The following FAT3 variants were observed in gnomAD, a reference collection of about 807,000 sequenced individuals.
FAT3 encodes the protein protocadherin Fat 3.
FAT3 carries 95 observed loss-of-function variants against 310.2 expected under a neutral mutation model. The ratio of observed to expected loss-of-function variants is 0.31; its 90% CI spans 0.26 to 0.36. The LOEUF (loss-of-function observed/expected upper bound fraction) is 0.36, where lower values mean the gene tolerates loss of function less well. Among genes scored for constraint, FAT3 ranks in the 10% least tolerant of loss-of-function variants. FAT3 has a pLI of 1.00. For synonymous variants in FAT3, 2,314 were observed against 2,192.9 expected, an observed-to-expected ratio of 1.06 and a Z score of -1.54; for missense variants, 5,408 against 5,715.6, an observed-to-expected ratio of 0.95 and a Z score of 1.74.
At chr11:92,781,075 C>CTTTTTTTT (rs10649331) in intron 7 of FAT3, among the ~76,000 whole-genome samples, 2 of 121,982 alleles carry the variant, frequency 1.6e-5, no homozygotes, top group Non-Finnish European at 1.7e-5. Context: ...TTTCTTTATT[C>CTTTTTTTT]TTTTTTTTTT....
intron 2 of FAT3, among the ~76,000 whole-genome samples, chr11:92,513,827 A>T (rs565769158): frequency 6.6e-6 from 1 of 152,106 alleles, no homozygotes; most frequent in Non-Finnish European, 1.5e-5. Context: ...TCCCAGCAGG[A>T]TGATTTTTAC....
intron 17 of FAT3, 108 bp from the exon 18 acceptor site, chr11:92,840,454 C>T (rs2136282311): frequency 9.2e-7 from 1 of 1,083,418 alleles, no homozygotes; most frequent in Non-Finnish European, 1.3e-6. Flanking sequence ...TAGCTCAGCA[C>T]TCTCAGCCTG....
intron 2 of FAT3, among the ~76,000 whole-genome samples, chr11:92,395,099 G>C (rs891157229): frequency 1.3e-5 from 2 of 152,116 alleles, no homozygotes; most frequent in Admixed American, 1.3e-4. Context: ...CCATTTTCCT[G>C]CTTAATAACA....
At chr11:92,266,759 T>A (rs773862032) in intron 1 of FAT3, among the ~76,000 whole-genome samples, 1 of 152,094 alleles carries the variant, frequency 6.6e-6, no homozygotes, top group Non-Finnish European at 1.5e-5. Context: ...TTCTGTTTGT[T>A]GGGATGGTGA....
intron 3 of FAT3, among the ~76,000 whole-genome samples, chr11:92,692,865 A>C (rs1943834613): frequency 6.6e-6 from 1 of 152,220 alleles, no homozygotes; most frequent in Non-Finnish European, 1.5e-5. Flanking sequence ...TAAGACCTGC[A>C]TTTCTTCAAG....
chr11:92,726,905 T>C (rs1945018169), intron 4 of FAT3, among the ~76,000 whole-genome samples: 1 of 151,962 alleles, frequency 6.6e-6, no homozygotes, highest in Non-Finnish European at 1.5e-5. Context: ...CAGGACACTA[T>C]CACATTTACC....
chr11:92,823,980 G>T (rs1231245771), intron 13 of FAT3, among the ~76,000 whole-genome samples: 2 of 152,146 alleles, frequency 1.3e-5, no homozygotes. Context: ...CTGTTTCATT[G>T]TAGTGGGATT....
At chr11:92,574,829 T>C (rs1938384448) in intron 3 of FAT3, among the ~76,000 whole-genome samples, 1 of 152,208 alleles carries the variant, frequency 6.6e-6, no homozygotes. Flanking sequence ...TATTTTTGGC[T>C]GCATACCTTA....
At chr11:92,553,508 T>C (rs1445152115) in intron 3 of FAT3, among the ~76,000 whole-genome samples, 1 of 152,210 alleles carries the variant, frequency 6.6e-6, no homozygotes, top group African/African-American at 2.4e-5. Context: ...CGGGCATCTG[T>C]TCAACTTTAG....
At chr11:92,482,321 G>A (rs781599286) in intron 2 of FAT3, among the ~76,000 whole-genome samples, 1 of 152,106 alleles carries the variant, frequency 6.6e-6, no homozygotes. Flanking sequence ...AATAGTAATA[G>A]CAGTAGCCAT....
intron 13 of FAT3, among the ~76,000 whole-genome samples, chr11:92,824,430 C>A (rs962640118): frequency 5.3e-5 from 8 of 152,110 alleles, no homozygotes; most frequent in Non-Finnish European, 8.8e-5. Context: ...GAGACCTTGA[C>A]AAAAGTGATT....
intron 4 of FAT3, among the ~76,000 whole-genome samples, chr11:92,739,329 T>C (rs984495064): frequency 1.5e-4 from 21 of 143,248 alleles, no homozygotes; most frequent in Admixed American, 3.4e-4. Context: ...CAGGGAAGAC[T>C]GTGAGCCTGC....
At chr11:92,728,027 G>A (rs1277443271) in intron 4 of FAT3, among the ~76,000 whole-genome samples, 1 of 152,122 alleles carries the variant, frequency 6.6e-6, no homozygotes, top group African/African-American at 2.4e-5. Flanking sequence ...CAAGTGTACT[G>A]AACAACTGGG....
chr11:92,582,652 T>C (rs1301961451), intron 3 of FAT3, among the ~76,000 whole-genome samples: 1 of 152,056 alleles, frequency 6.6e-6, no homozygotes, highest in Admixed American at 6.6e-5. Flanking sequence ...CAGAGGCATA[T>C]GCTCTCTAAG....
chr11:92,416,520 C>G (rs370759509), intron 2 of FAT3, among the ~76,000 whole-genome samples: 1 of 152,138 alleles, frequency 6.6e-6, no homozygotes, highest in Non-Finnish European at 1.5e-5. Flanking sequence ...GTATTTTACA[C>G]ATTTTTCTCT....
In FAT3 at chr11:92,524,855, G is replaced by T; in HGVS notation, c.3514G>T (p.Ala1172Ser). The T allele has an allele frequency of 6.2e-7, 1 of 1,613,834 alleles. No homozygotes were observed. The change falls in exon 3 of 28, where the codon GCT becomes TCT. Residue 1172 changes from alanine (A) to serine (S), a missense_variant. Coordinates refer to ENST00000525166, the MANE Select transcript of FAT3 (RefSeq NM_001367949.2). ...GGACGTATCTGTCATTCAGATCCAG[G>T]CTGAAGATCCTGACTCCAGTTCCAA... ...PKDVSVIQIQ[A>S]EDPDSSSNEK...
At chr11:92,512,486 G>T (rs191003431) in intron 2 of FAT3, among the ~76,000 whole-genome samples, 7 of 145,208 alleles carry the variant, frequency 4.8e-5, no homozygotes, top group African/African-American at 1.8e-4. Context: ...AGCTAAAACT[G>T]CCCTGTTTTA....
chr11:92,649,871 G>T (rs920711464), intron 3 of FAT3, among the ~76,000 whole-genome samples: 50 of 114,084 alleles, frequency 4.4e-4, no homozygotes, highest in African/African-American at 1.6e-3. Context: ...CACTTTGTAT[G>T]TTCATATATA....
intron 2 of FAT3, among the ~76,000 whole-genome samples, chr11:92,481,349 A>T (rs1952220685): frequency 6.6e-6 from 1 of 152,066 alleles, no homozygotes; most frequent in Non-Finnish European, 1.5e-5. Context: ...GCTTTGCATT[A>T]TTCCCAAAAT....
Sources: allele counts gnomAD v4.1 joint callset (sites outside exome capture counted in the v4.1 genomes callset), GRCh38; gene constraint gnomAD v4.1.1; transcripts MANE v1.5; gene names NCBI Gene and HGNC (gene_info 2026-07-23, HGNC 2026-07-21).